GABRG3: variants seen among roughly 807,000 people sequenced by gnomAD.
The protein encoded by GABRG3 is gamma-aminobutyric acid receptor subunit gamma-3.
A neutral mutation model predicts 48.8 loss-of-function variants in GABRG3; 25 were observed. The ratio of observed to expected loss-of-function variants is 0.51; its 90% CI spans 0.37 to 0.72. The LOEUF (loss-of-function observed/expected upper bound fraction) is 0.72, where lower values mean the gene tolerates loss of function less well. Among genes scored for constraint, GABRG3 ranks in the 30% least tolerant of loss-of-function variants. The pLI, the probability that GABRG3 is intolerant of heterozygous loss-of-function variation, is 0.00. For synonymous variants in GABRG3, 227 were observed against 217.6 expected, an observed-to-expected ratio of 1.04 and a Z score of -0.38; for missense variants, 394 against 577.9, an observed-to-expected ratio of 0.68 and a Z score of 3.26.
intron 5 of GABRG3, among the ~76,000 whole-genome samples, chr15:27,461,396 C>T (rs1325631952): frequency 6.6e-6 from 1 of 152,186 alleles, no homozygotes; most frequent in Non-Finnish European, 1.5e-5. Context: ...GAATTGGTTC[C>T]TTCTGGTGGG....
intron 2 of GABRG3, among the ~76,000 whole-genome samples, chr15:27,015,988 T>A (rs1895771813): frequency 6.6e-6 from 1 of 152,212 alleles, no homozygotes; most frequent in South Asian, 2.1e-4. Context: ...ATGTTGTTGA[T>A]GACTCCACCT....
intron 3 of GABRG3, among the ~76,000 whole-genome samples, chr15:27,229,719 T>G (rs917972578): frequency 3.2e-4 from 48 of 152,180 alleles, no homozygotes; most frequent in African/African-American, 1.1e-3. Flanking sequence ...TCAGGTGATC[T>G]GCCCGCCTCG....
Position 27,450,112 on chromosome 15 carries a change from C to G in GABRG3, c.575-30538C>G, listed in dbSNP as rs962187250. Among the ~76,000 whole-genome samples the G allele has an allele frequency of 2.0e-5, 3 of 152,218 alleles. No homozygotes were observed. The East Asian group carries it at 5.8e-4, about 29-fold the overall frequency. On this transcript the variant is annotated intron_variant, in intron 5 of 9. Transcript: ENST00000615808. The stretch of plus-strand genomic sequence containing the variant: ...CGCTCCACAAGAGCAGAGCTGTTTT[C>G]TGGCAGACACACACTTGTGGGGGTG...
intron 3 of GABRG3, among the ~76,000 whole-genome samples, chr15:27,306,167 TTATA>T (rs1318111774): frequency 7.5e-6 from 1 of 132,754 alleles, no homozygotes; most frequent in Non-Finnish European, 1.6e-5. Flanking sequence ...ACCTATATGT[TTATA>T]TATAAACATA....
At chr15:27,479,341 G>T (rs1890039513) in intron 5 of GABRG3, among the ~76,000 whole-genome samples, 1 of 152,220 alleles carries the variant, frequency 6.6e-6, no homozygotes, top group Non-Finnish European at 1.5e-5. Context: ...GACTGGCTCT[G>T]GGTCCCTTGA....
chr15:27,255,273 C>T (rs570140434), intron 3 of GABRG3, among the ~76,000 whole-genome samples: 53 of 152,308 alleles, frequency 3.5e-4, no homozygotes, highest in African/African-American at 1.2e-3. Context: ...GATTCCTCCT[C>T]GAGAATGTCC....
chr15:27,272,521 C>T (rs1004272359), intron 3 of GABRG3, among the ~76,000 whole-genome samples: 1 of 152,176 alleles, frequency 6.6e-6, no homozygotes, highest in Non-Finnish European at 1.5e-5. Flanking sequence ...TATGACTGCA[C>T]CTACTCTAAG....
chr15:27,292,751 T>A (rs959531132), intron 3 of GABRG3, among the ~76,000 whole-genome samples: 1 of 152,156 alleles, frequency 6.6e-6, no homozygotes, highest in African/African-American at 2.4e-5. Flanking sequence ...GAAGCAACAA[T>A]GTGAAAAGCA....
intron 5 of GABRG3, among the ~76,000 whole-genome samples, chr15:27,389,948 A>C (rs1448931457): frequency 1.3e-5 from 2 of 152,252 alleles, no homozygotes; most frequent in Non-Finnish European, 2.9e-5. Flanking sequence ...TAATTATTTG[A>C]GGACAAAGAA....
chr15:27,349,883 A>G (rs1395851845), intron 5 of GABRG3, among the ~76,000 whole-genome samples: 1 of 150,684 alleles, frequency 6.6e-6, no homozygotes, highest in South Asian at 2.1e-4. Flanking sequence ...AAGTTGCAGA[A>G]CCATGTTTAT....
At chr15:27,240,308 G>A (rs2140453234) in intron 3 of GABRG3, among the ~76,000 whole-genome samples, 1 of 152,324 alleles carries the variant, frequency 6.6e-6, no homozygotes, top group Admixed American at 6.5e-5. Flanking sequence ...TGAGCGCTCA[G>A]AACCCTGGAG....
At chr15:27,121,249 T>C (rs1897725870) in intron 3 of GABRG3, among the ~76,000 whole-genome samples, 1 of 152,182 alleles carries the variant, frequency 6.6e-6, no homozygotes, top group African/African-American at 2.4e-5. Flanking sequence ...ATGGAGTTTG[T>C]GTCTGGGGTC....
intron 3 of GABRG3, among the ~76,000 whole-genome samples, chr15:27,083,221 G>A (rs1167825197): frequency 6.6e-6 from 1 of 152,160 alleles, no homozygotes; most frequent in Non-Finnish European, 1.5e-5. Context: ...AACAAATGCT[G>A]TAGTAACAAA....
At chr15:27,318,973 A>G (rs1285956981) in intron 3 of GABRG3, among the ~76,000 whole-genome samples, 1 of 152,228 alleles carries the variant, frequency 6.6e-6, no homozygotes, top group Non-Finnish European at 1.5e-5. Context: ...CAGGGAGCCT[A>G]TAGATAATAC....
rs377571614 is a variant in GABRG3 at position 27,406,001 on chromosome 15, T to A, written c.575-74649T>A. Among the ~76,000 whole-genome samples the A allele has an allele frequency of 2.2e-4, 33 of 152,136 alleles. No homozygotes were observed. The East Asian group carries it at 5.0e-3, about 23-fold the overall frequency. ...ATGGCCAAACACTTTGAACAACAAA[T>A]TAATAATGAAGCCAGCCCAGTGGTG... On this transcript the variant is annotated intron_variant, in intron 5 of 9. Coordinates refer to ENST00000615808, the MANE Select transcript of GABRG3 (RefSeq NM_033223.5).
At chr15:27,441,719 C>A (rs1888790590) in intron 5 of GABRG3, among the ~76,000 whole-genome samples, 1 of 152,104 alleles carries the variant, frequency 6.6e-6, no homozygotes, top group South Asian at 2.1e-4. Flanking sequence ...CCACTGAGAC[C>A]CTTCCCCTGT....
intron 2 of GABRG3, among the ~76,000 whole-genome samples, chr15:27,016,000 C>T (rs1895772128): frequency 6.6e-6 from 1 of 152,062 alleles, no homozygotes; most frequent in South Asian, 2.1e-4. Flanking sequence ...ACTCCACCTA[C>T]CTCTTTGTAT....
chr15:27,350,781 C>T (rs1894538094), intron 5 of GABRG3, among the ~76,000 whole-genome samples: 1 of 152,192 alleles, frequency 6.6e-6, no homozygotes, highest in Non-Finnish European at 1.5e-5. Context: ...GGGGCGAGTG[C>T]TGAGGTGAGG....
At chr15:27,238,735 T>C (rs1890050893) in intron 3 of GABRG3, among the ~76,000 whole-genome samples, 1 of 152,234 alleles carries the variant, frequency 6.6e-6, no homozygotes, top group Admixed American at 6.5e-5. Flanking sequence ...TTTCGAACTT[T>C]TCAGTCACTT....
Sources: gnomAD v4.1 joint callset for allele counts (sites outside exome capture counted in the v4.1 genomes callset) on GRCh38, gnomAD v4.1.1 for gene constraint, MANE v1.5 for transcripts, NCBI Gene and HGNC (gene_info 2026-07-23, HGNC 2026-07-21) for gene names.